Variants in RGS7 observed in about 807,000 individuals in gnomAD.
The protein encoded by RGS7 is regulator of G protein signaling 7, also known as regulator of G-protein signaling 7.
In RGS7, 27 loss-of-function variants were observed where a neutral mutation model predicts 81.1. The observed-to-expected ratio is 0.33, with a 90% CI of 0.25 to 0.46. The LOEUF is 0.46. Among genes scored for constraint, RGS7 ranks in the 20% least tolerant of loss-of-function variants. The probability of loss-of-function intolerance (pLI) is 1.00; values close to 1 mark genes in which losing one functional copy is unlikely to be tolerated. For synonymous variants in RGS7, 208 were observed against 207.7 expected (o/e 1.00, Z -0.01); for missense variants, 396 against 607.4 (o/e 0.65, Z 3.66).
rs1258361138 is a variant in RGS7 at position 241,355,931 on chromosome 1, G to T, written c.-50-105C>A. On this transcript the variant is annotated intron_variant, in intron 1 of 18. Coordinates refer to ENST00000440928, the MANE Select transcript of RGS7 (RefSeq NM_001364886.1). ...CACATGGCGCGTTCTTACAAACTGG[G>T]GCTGGCTGGAGAAAGTGACACAGGA... 5.7e-6 allele frequency: 4 copies of T among 703,280 alleles called. No homozygotes were observed. In the East Asian group the frequency reaches 1.1e-4, roughly 19 times the overall value. The allele number at this position is 703,280 out of a possible 1,614,324, so 43.6% of individuals were successfully genotyped here.
chr1:241,135,728 G>A (rs1304375267), intron 2 of RGS7, among the ~76,000 whole-genome samples: 1 of 151,896 alleles, frequency 6.6e-6, no homozygotes, highest in Non-Finnish European at 1.5e-5. Flanking sequence ...CTTCTCCCAC[G>A]TGGTGTGGCC....
chr1:241,305,399 T>C (rs1404136305), intron 2 of RGS7, among the ~76,000 whole-genome samples: 7 of 152,130 alleles, frequency 4.6e-5, no homozygotes, highest in Non-Finnish European at 4.4e-5. Flanking sequence ...CTAATAAGCA[T>C]GTCAGCTTCT....
intron 3 of RGS7, among the ~76,000 whole-genome samples, chr1:241,021,317 G>A (rs2059525277): frequency 1.3e-5 from 2 of 152,124 alleles, no homozygotes; most frequent in Non-Finnish European, 2.9e-5. Context: ...AGGACAGCAA[G>A]GAGACAATAA....
chr1:240,891,201 T>TGGCG (rs1553339416), intron 6 of RGS7, among the ~76,000 whole-genome samples: 3 of 151,712 alleles, frequency 2.0e-5, no homozygotes, highest in African/African-American at 7.3e-5. Flanking sequence ...CCAGCATCAC[T>TGGCG]GGGGGGGTGG....
At chr1:241,275,903 G>C (rs186364733) in intron 2 of RGS7, among the ~76,000 whole-genome samples, 1 of 152,172 alleles carries the variant, frequency 6.6e-6, no homozygotes, top group Non-Finnish European at 1.5e-5. Flanking sequence ...TGGCAGCTGA[G>C]GCAAAACCTA....
chr1:241,005,976 T>C (rs2058672170), intron 3 of RGS7, among the ~76,000 whole-genome samples: 1 of 152,252 alleles, frequency 6.6e-6, no homozygotes, highest in Non-Finnish European at 1.5e-5. Context: ...TTTTCCAGTT[T>C]ATGGCTCTTA....
chr1:240,859,349 T>C (rs1465054047), intron 9 of RGS7, among the ~76,000 whole-genome samples: 1 of 151,922 alleles, frequency 6.6e-6, no homozygotes, highest in African/African-American at 2.4e-5. Flanking sequence ...TGTTAAGATG[T>C]AGGCCTTCTC....
At chr1:241,297,767 T>C (rs1294655605) in intron 2 of RGS7, among the ~76,000 whole-genome samples, 1 of 152,180 alleles carries the variant, frequency 6.6e-6, no homozygotes, top group Non-Finnish European at 1.5e-5. Flanking sequence ...ATTTAAGTAG[T>C]TACAGTATTT....
intron 2 of RGS7, among the ~76,000 whole-genome samples, chr1:241,270,370 T>C (rs2077812091): frequency 6.6e-6 from 1 of 152,218 alleles, no homozygotes; most frequent in South Asian, 2.1e-4. Flanking sequence ...AATACATTCC[T>C]TCCATTTACC....
intron 2 of RGS7, among the ~76,000 whole-genome samples, chr1:241,158,841 C>A (rs1284435884): frequency 6.6e-6 from 1 of 151,996 alleles, no homozygotes; most frequent in Non-Finnish European, 1.5e-5. Context: ...ATTTTCAATC[C>A]CAAAAGCCAC....
At chr1:241,082,726 T>A (rs2063205884) in intron 3 of RGS7, among the ~76,000 whole-genome samples, 1 of 152,226 alleles carries the variant, frequency 6.6e-6, no homozygotes, top group Admixed American at 6.5e-5. Context: ...AATTGTAATG[T>A]TCCTGACACA....
At chr1:241,298,759 G>T (rs1426810736) in intron 2 of RGS7, among the ~76,000 whole-genome samples, 1 of 152,122 alleles carries the variant, frequency 6.6e-6, no homozygotes, top group East Asian at 1.9e-4. Flanking sequence ...CACTTGAGCA[G>T]CACAAGTCAC....
At chr1:240,888,497 C>A (rs935092801) in intron 6 of RGS7, among the ~76,000 whole-genome samples, 6 of 152,106 alleles carry the variant, frequency 3.9e-5, no homozygotes, top group African/African-American at 9.7e-5. Flanking sequence ...GGCCTGGAGA[C>A]CCGGCGATGA....
chr1:241,034,415 A>T (rs1472764651), intron 3 of RGS7, among the ~76,000 whole-genome samples: 1 of 152,214 alleles, frequency 6.6e-6, no homozygotes, highest in Non-Finnish European at 1.5e-5. Context: ...AGGGGAAGGC[A>T]GAAAAATATC....
chr1:240,865,671 A>G (rs958198540), intron 9 of RGS7, among the ~76,000 whole-genome samples: 26 of 152,246 alleles, frequency 1.7e-4, no homozygotes, highest in Admixed American at 9.8e-4. Flanking sequence ...GGGTCTAAAT[A>G]TATTAGGATT....
intron 2 of RGS7, among the ~76,000 whole-genome samples, chr1:241,130,968 T>C (rs2067048971): frequency 6.7e-6 from 1 of 150,022 alleles, no homozygotes; most frequent in Admixed American, 6.6e-5. Flanking sequence ...ATAATTCTAC[T>C]CTGGAAGAAC....
In RGS7 at chr1:241,105,457, G is replaced by A. The variant is rs114391819; in HGVS notation, c.79-6695C>T. Among the ~76,000 whole-genome samples the A allele has an allele frequency of 3.7e-3, 563 of 152,250 alleles. 5 individuals are homozygous for A. The highest frequency in any genetic ancestry group is 0.011 in the African/African-American group (463 of 41,558). ...AAAAGGCTCAGGTTAAACAGTTCCC[G>A]CCCGAACACTTGGCGGAATGAAAGA... On this transcript the variant is annotated intron_variant, in intron 2 of 18. Coordinates refer to ENST00000440928, the MANE Select transcript of RGS7 (RefSeq NM_001364886.1).
chr1:241,184,102 C>A (rs1350921286), intron 2 of RGS7, among the ~76,000 whole-genome samples: 1 of 151,996 alleles, frequency 6.6e-6, no homozygotes, highest in Non-Finnish European at 1.5e-5. Flanking sequence ...AAGCTTATAC[C>A]AGGAAAAGTA....
chr1:240,776,448 T>G (rs1184977245), intron 18 of RGS7, among the ~76,000 whole-genome samples: 1 of 131,468 alleles, frequency 7.6e-6, no homozygotes, highest in Non-Finnish European at 1.6e-5. Flanking sequence ...CCCTCCCAAA[T>G]CCTTCCTCCC....
Sources: allele counts gnomAD v4.1 joint callset (sites outside exome capture counted in the v4.1 genomes callset), GRCh38; gene constraint gnomAD v4.1.1; transcripts MANE v1.5; gene names NCBI Gene and HGNC (gene_info 2026-07-23, HGNC 2026-07-21).